The following RNF150 variants were observed in gnomAD, a reference collection of about 807,000 sequenced individuals.
RNF150 encodes the protein ring finger protein 150.
RNF150 carries 24 observed loss-of-function variants against 39.3 expected under a neutral mutation model. The observed-to-expected ratio is 0.61, with a 90% confidence interval of 0.44 to 0.86. The LOEUF (loss-of-function observed/expected upper bound fraction) is 0.86. RNF150 is among the 40% of genes least tolerant of loss of function. The pLI, the probability that RNF150 is intolerant of heterozygous loss-of-function variation, is 0.00. For synonymous variants in RNF150, 255 were observed against 227.3 expected, an observed-to-expected ratio of 1.12 and a Z score of -1.10; for missense variants, 502 against 587.8, an observed-to-expected ratio of 0.85 and a Z score of 1.51.
chr4:141,157,550 T>C (rs901417434), intron 1 of RNF150, among the ~76,000 whole-genome samples: 6 of 152,168 alleles, frequency 3.9e-5, no homozygotes, highest in African/African-American at 7.2e-5. Flanking sequence ...TTTACATTTC[T>C]TTTTTTCCAG....
At chr4:140,923,663 C>T (rs1430371567) in intron 5 of RNF150, among the ~76,000 whole-genome samples, 2 of 152,196 alleles carry the variant, frequency 1.3e-5, no homozygotes, top group Non-Finnish European at 2.9e-5. Flanking sequence ...TATAAAGACA[C>T]ATGCACACGT....
At chr4:141,150,351 G>A (rs1338170635) in intron 1 of RNF150, among the ~76,000 whole-genome samples, 1 of 152,182 alleles carries the variant, frequency 6.6e-6, no homozygotes, top group Non-Finnish European at 1.5e-5. Context: ...CATATCCAAT[G>A]TCTCACCAAG....
intron 5 of RNF150, among the ~76,000 whole-genome samples, chr4:140,915,344 G>A (rs770316066): frequency 6.6e-6 from 1 of 152,214 alleles, no homozygotes; most frequent in Non-Finnish European, 1.5e-5. Flanking sequence ...AAGGCTGTGA[G>A]CTTGCCCAGT....
intron 1 of RNF150, among the ~76,000 whole-genome samples, chr4:141,000,465 G>A (rs1734625024): frequency 1.3e-5 from 2 of 152,084 alleles, no homozygotes; most frequent in Non-Finnish European, 2.9e-5. Context: ...CATACTATAG[G>A]TATACAAAGA....
In RNF150 at chr4:140,947,727, A is replaced by C; in HGVS notation, c.817T>G (p.Ser273Ala). Residue 273 changes from serine (S) to alanine (A), a missense_variant, in exon 4 of 7, where the codon TCT (serine) becomes GCT (alanine). Ser to Ala is a moderately conservative substitution (Grantham distance 99). Transcript: ENST00000515673. ...TIKKGDKETE[S>A]DFDNCAVCIE... ...CAAACTGCACAGTTGTCAAAATCAG[A>C]CTCTGTTTCCTGCAACAGAGGAAGC... The C allele has an allele frequency of 6.3e-7, 1 of 1,592,158 alleles. No homozygotes were observed. The highest frequency in any genetic ancestry group is 8.5e-7 in the Non-Finnish European group (1 of 1,171,076).
At chr4:141,122,041 A>C (rs1007615769) in intron 1 of RNF150, among the ~76,000 whole-genome samples, 4 of 152,150 alleles carry the variant, frequency 2.6e-5, no homozygotes, top group African/African-American at 4.8e-5. Context: ...GTCAGGGTGG[A>C]GATCACTGAT....
chr4:141,110,506 GCC>G (rs1739352488), intron 1 of RNF150, among the ~76,000 whole-genome samples: 2 of 151,818 alleles, frequency 1.3e-5, no homozygotes, highest in Admixed American at 1.3e-4. Flanking sequence ...GTTCACTGCA[GCC>G]TAAAGCTCCT....
upstream of RNF150, among the ~76,000 whole-genome samples, chr4:141,138,092 G>A (rs544215403): frequency 2.6e-5 from 4 of 152,266 alleles, no homozygotes; most frequent in South Asian, 2.1e-4. Context: ...CAACCTTGAC[G>A]CTGCTTTTGC....
intron 4 of RNF150, among the ~76,000 whole-genome samples, chr4:140,938,524 A>G (rs1731948491): frequency 6.6e-6 from 1 of 152,194 alleles, no homozygotes. Flanking sequence ...TTTCCGTCCA[A>G]TGAGGATAAG....
intron 6 of RNF150, among the ~76,000 whole-genome samples, chr4:140,901,538 C>T (rs558838910): frequency 5.3e-5 from 8 of 152,284 alleles, no homozygotes; most frequent in African/African-American, 1.9e-4. Flanking sequence ...CATTGCAATA[C>T]ATTCTCCTTT....
intron 1 of RNF150, among the ~76,000 whole-genome samples, chr4:141,034,239 T>C (rs569091508): frequency 1.3e-5 from 2 of 152,332 alleles, no homozygotes; most frequent in African/African-American, 4.8e-5. Context: ...GGAGATTGTG[T>C]CTTTCTTTAA....
At chr4:141,133,881 G>T (rs2111115898), upstream of RNF150, among the ~76,000 whole-genome samples, 1 of 152,218 alleles carries the variant, frequency 6.6e-6, no homozygotes, top group Non-Finnish European at 1.5e-5. Context: ...TTAAAACTCA[G>T]ACCGATGGGT....
chr4:141,053,611 TATC>T (rs1458669445), intron 1 of RNF150: 1 of 777,884 alleles, frequency 1.3e-6, no homozygotes, highest in African/African-American at 1.8e-5. Context: ...TTAAGGAAGA[TATC>T]ATGGAAGTCA....
chr4:140,868,677 T>C (rs968681776), intron 6 of RNF150, among the ~76,000 whole-genome samples: 1 of 152,194 alleles, frequency 6.6e-6, no homozygotes, highest in African/African-American at 2.4e-5. Flanking sequence ...TTGGGTAATT[T>C]ACAGAAGAAA....
intron 1 of RNF150, among the ~76,000 whole-genome samples, chr4:141,125,749 C>A (rs62324905): frequency 0.16 from 23,669 of 152,144 alleles, 2,479 homozygotes; most frequent in Non-Finnish European, 0.24. Flanking sequence ...CAGGTTCTTT[C>A]TGGACCTTTC....
rs541587942 is a variant in RNF150 at position 141,165,107 on chromosome 4, A to G, written c.-6+47687T>C. Reference sequence around the variant, plus strand: ...AAACTAAAAAGATGGAGTAATAGTTACCAAGCAAACGGAAAGCAAAAAACA... The same window carrying G: ...AAACTAAAAAGATGGAGTAATAGTTGCCAAGCAAACGGAAAGCAAAAAACA... On this transcript the variant is annotated intron_variant, in intron 1 of 7. Coordinates refer to the RNF150 transcript ENST00000420921. Among the ~76,000 whole-genome samples the G allele has an allele frequency of 1.3e-4, 20 of 152,352 alleles. No individual in the cohort carries two copies. The South Asian group carries it at 4.1e-3, about 32-fold the overall frequency.
At chr4:141,024,064 A>G (rs1423036658) in intron 1 of RNF150, among the ~76,000 whole-genome samples, 1 of 152,182 alleles carries the variant, frequency 6.6e-6, no homozygotes, top group Admixed American at 6.5e-5. Flanking sequence ...TAAAAACTGA[A>G]TGAGGCTGGA....
chr4:141,041,658 T>C (rs1736378831), intron 1 of RNF150, among the ~76,000 whole-genome samples: 1 of 152,122 alleles, frequency 6.6e-6, no homozygotes, highest in Non-Finnish European at 1.5e-5. Context: ...GATTACTTTT[T>C]CTTGCCACTA....
chr4:141,169,068 C>G (rs150018423), intron 1 of RNF150, among the ~76,000 whole-genome samples: 3 of 152,002 alleles, frequency 2.0e-5, no homozygotes, highest in African/African-American at 7.3e-5. Context: ...GTGTCTCTAC[C>G]CATATCTTAC....
Sources: allele counts gnomAD v4.1 joint callset (sites outside exome capture counted in the v4.1 genomes callset), GRCh38; gene constraint gnomAD v4.1.1; transcripts MANE v1.5; gene names NCBI Gene and HGNC (gene_info 2026-07-23, HGNC 2026-07-21).